Variants in PLCXD3 observed in about 807,000 individuals in gnomAD.
The protein encoded by PLCXD3 is phosphatidylinositol specific phospholipase C X domain containing 3.
PLCXD3 carries 19 observed loss-of-function variants against 25.5 expected under a neutral mutation model. The ratio of observed to expected loss-of-function variants is 0.75; its 90% CI spans 0.52 to 1.09. The LOEUF is 1.09. Among genes scored for constraint, PLCXD3 ranks in the 50% least tolerant of loss-of-function variants. The probability of loss-of-function intolerance (pLI) is 0.00; values close to 1 mark genes in which losing one functional copy is unlikely to be tolerated. For synonymous variants in PLCXD3, 174 were observed against 137.6 expected (o/e 1.26, Z -1.85); for missense variants, 411 against 388.1 (o/e 1.06, Z -0.50).
chr5:41,314,410 T>G (rs545288731), intron 2 of PLCXD3, among the ~76,000 whole-genome samples: 1 of 152,362 alleles, frequency 6.6e-6, no homozygotes, highest in South Asian at 2.1e-4. Context: ...GGAGCTTACA[T>G]TCTCATAAGG....
intron 1 of PLCXD3, among the ~76,000 whole-genome samples, chr5:41,444,789 C>T (rs960541267): frequency 3.3e-5 from 5 of 152,034 alleles, no homozygotes; most frequent in Admixed American, 6.5e-5. Flanking sequence ...ATAGCAAAGC[C>T]GTGCCTAAGT....
intron 2 of PLCXD3, among the ~76,000 whole-genome samples, chr5:41,315,908 G>A (rs1486894588): frequency 2.6e-5 from 4 of 152,186 alleles, no homozygotes; most frequent in African/African-American, 9.7e-5. Context: ...GAACTTGAGT[G>A]CCTGCAAATC....
At chr5:41,400,926 G>T (rs959190923) in intron 1 of PLCXD3, among the ~76,000 whole-genome samples, 1 of 151,916 alleles carries the variant, frequency 6.6e-6, no homozygotes, top group African/African-American at 2.4e-5. Flanking sequence ...ATTTCACATT[G>T]CATGTGTGTA....
intron 1 of PLCXD3, among the ~76,000 whole-genome samples, chr5:41,438,183 A>G (rs1561273624): frequency 6.6e-6 from 1 of 152,224 alleles, no homozygotes; most frequent in African/African-American, 2.4e-5. Flanking sequence ...GCCCCGACAG[A>G]CTTATGTGAG....
At chr5:41,475,616 GTC>G (rs1463751077) in intron 1 of PLCXD3, 1 of 534,504 alleles carries the variant, frequency 1.9e-6, no homozygotes, top group Admixed American at 1.9e-5. Flanking sequence ...GTCTCTTCAG[GTC>G]TCTGTTTGTC....
At chr5:41,399,104 C>T (rs567118818) in intron 1 of PLCXD3, among the ~76,000 whole-genome samples, 2 of 152,114 alleles carry the variant, frequency 1.3e-5, no homozygotes, top group African/African-American at 4.8e-5. Flanking sequence ...ACAATAGCCA[C>T]ACATAAAATT....
chr5:41,382,902 A>G (rs1745516806), intron 1 of PLCXD3, among the ~76,000 whole-genome samples: 1 of 152,102 alleles, frequency 6.6e-6, no homozygotes, highest in African/African-American at 2.4e-5. Context: ...CCAATACCCA[A>G]ATACTTTGCA....
At chr5:41,368,299 A>G (rs991550126) in intron 2 of PLCXD3, among the ~76,000 whole-genome samples, 2 of 152,136 alleles carry the variant, frequency 1.3e-5, no homozygotes, top group Admixed American at 1.3e-4. Flanking sequence ...TGGTTCATTC[A>G]TAATTTGGCA....
At chr5:41,451,735 G>A (rs912542588) in intron 1 of PLCXD3, among the ~76,000 whole-genome samples, 2 of 151,650 alleles carry the variant, frequency 1.3e-5, no homozygotes, top group African/African-American at 4.8e-5. Context: ...AAGGGAAACT[G>A]GACCCTAAGA....
intron 1 of PLCXD3, among the ~76,000 whole-genome samples, chr5:41,392,622 A>G (rs996853515): frequency 2.6e-5 from 4 of 152,196 alleles, no homozygotes; most frequent in African/African-American, 9.6e-5. Context: ...GAAGACTACA[A>G]TAAATACCTA....
At chr5:41,470,172 G>C (rs1407758035) in intron 1 of PLCXD3, among the ~76,000 whole-genome samples, 2 of 152,122 alleles carry the variant, frequency 1.3e-5, no homozygotes, top group Non-Finnish European at 2.9e-5. Context: ...CAAACAAAGG[G>C]GGGTGGCAGT....
intron 1 of PLCXD3, among the ~76,000 whole-genome samples, chr5:41,459,567 A>G (rs1194531413): frequency 6.6e-6 from 1 of 151,812 alleles, no homozygotes; most frequent in Admixed American, 6.6e-5. Flanking sequence ...ATCAATACCA[A>G]ATTAATATTC....
At chr5:41,492,516 A>G (rs1409939450) in intron 1 of PLCXD3, among the ~76,000 whole-genome samples, 30 of 152,180 alleles carry the variant, frequency 2.0e-4, no homozygotes, top group Non-Finnish European at 4.3e-4. Flanking sequence ...CCTGGATAAT[A>G]TCCTGCAGAG....
intron 1 of PLCXD3, among the ~76,000 whole-genome samples, chr5:41,440,322 T>G (rs998521326): frequency 3.0e-5 from 4 of 132,592 alleles, no homozygotes; most frequent in African/African-American, 8.5e-5. Context: ...AACCTCTGCC[T>G]CCCGGGTTCA....
intron 1 of PLCXD3, among the ~76,000 whole-genome samples, chr5:41,407,570 C>T (rs963494181): frequency 2.6e-5 from 4 of 152,214 alleles, no homozygotes; most frequent in East Asian, 3.9e-4. Flanking sequence ...TCTTCCAGCT[C>T]GTGATTGAGT....
intron 1 of PLCXD3, among the ~76,000 whole-genome samples, chr5:41,445,655 G>A (rs1274288684): frequency 6.6e-6 from 1 of 152,134 alleles, no homozygotes; most frequent in Non-Finnish European, 1.5e-5. Context: ...AGATGCAAGA[G>A]AAAGTATATT....
chr5:41,317,499 C>A (rs1371362071), intron 2 of PLCXD3, among the ~76,000 whole-genome samples: 1 of 151,994 alleles, frequency 6.6e-6, no homozygotes, highest in Admixed American at 6.6e-5. Flanking sequence ...GGAAAGGTGA[C>A]CTCACCATAT....
chr5:41,491,377 G>C (rs976480725), intron 1 of PLCXD3, among the ~76,000 whole-genome samples: 1 of 152,196 alleles, frequency 6.6e-6, no homozygotes, highest in Non-Finnish European at 1.5e-5. Flanking sequence ...TTTGGAATAG[G>C]TGTGGTGTGG....
chr5:41,458,768 G>T (rs982860587), intron 1 of PLCXD3, among the ~76,000 whole-genome samples: 1 of 151,778 alleles, frequency 6.6e-6, no homozygotes, highest in East Asian at 1.9e-4. Flanking sequence ...AACACTAAAA[G>T]GCATCTGTTT....
Sources: gnomAD v4.1 joint callset for allele counts (sites outside exome capture counted in the v4.1 genomes callset) on GRCh38, gnomAD v4.1.1 for gene constraint, MANE v1.5 for transcripts, NCBI Gene and HGNC (gene_info 2026-07-23, HGNC 2026-07-21) for gene names.